LRMDA: variants seen among roughly 807,000 people sequenced by gnomAD.
LRMDA encodes the protein leucine-rich melanocyte differentiation-associated protein.
A neutral mutation model predicts 29.8 loss-of-function variants in LRMDA; 18 were observed. The ratio of observed to expected loss-of-function variants is 0.60; its 90% CI spans 0.42 to 0.90. LRMDA has a LOEUF of 0.90. Among genes scored for constraint, LRMDA ranks in the 40% least tolerant of loss-of-function variants. The pLI, the probability that LRMDA is intolerant of heterozygous loss-of-function variation, is 0.00. For synonymous variants in LRMDA, 125 were observed against 109.4 expected, an observed-to-expected ratio of 1.14 and a Z score of -0.89; for missense variants, 273 against 273.9, an observed-to-expected ratio of 1.00 and a Z score of 0.02.
At chr10:76,054,824 G>A (rs566353560) in intron 4 of LRMDA, among the ~76,000 whole-genome samples, 1 of 151,622 alleles carries the variant, frequency 6.6e-6, no homozygotes. Flanking sequence ...GTTCATGCCT[G>A]TAATTCCAGC....
At chr10:75,436,210 G>A (rs1844262424) in intron 1 of LRMDA, among the ~76,000 whole-genome samples, 1 of 152,118 alleles carries the variant, frequency 6.6e-6, no homozygotes, top group Non-Finnish European at 1.5e-5. Context: ...GCAGGGCTCT[G>A]GAGTCTTAGT....
At chr10:75,637,446 A>G (rs1841402499) in intron 2 of LRMDA, among the ~76,000 whole-genome samples, 1 of 152,214 alleles carries the variant, frequency 6.6e-6, no homozygotes, top group South Asian at 2.1e-4. Flanking sequence ...AAGCAGCAGC[A>G]GATGAGTAGA....
At chr10:76,203,585 C>A (rs971991146) in intron 5 of LRMDA, among the ~76,000 whole-genome samples, 5 of 152,242 alleles carry the variant, frequency 3.3e-5, no homozygotes, top group Non-Finnish European at 7.3e-5. Flanking sequence ...GCAGAGGACA[C>A]TTTGTAAAAC....
intron 2 of LRMDA, among the ~76,000 whole-genome samples, chr10:75,791,547 T>A (rs1843565194): frequency 6.6e-6 from 1 of 152,222 alleles, no homozygotes; most frequent in African/African-American, 2.4e-5. Flanking sequence ...GGAGAAAAAC[T>A]TTTAGGAAAG....
In LRMDA at chr10:75,464,012, G is replaced by A. The variant is rs192172717; in HGVS notation, c.131+25518G>A. Reference sequence around the variant, plus strand: ...AGATGGGGTTTCTCCATGTTGGCAAGGCTGGTCTCGAACTCTTGACCTCAG... The same window carrying A: ...AGATGGGGTTTCTCCATGTTGGCAAAGCTGGTCTCGAACTCTTGACCTCAG... On this transcript the variant is annotated intron_variant, in intron 2 of 6. Transcript: ENST00000611255. Among the ~76,000 whole-genome samples the A allele has an allele frequency of 5.9e-5, 9 of 152,194 alleles. No homozygotes were observed. In the East Asian group the frequency reaches 1.5e-3, roughly 26 times the overall value.
chr10:76,047,170 G>T lies in LRMDA; in HGVS notation c.265G>T (p.Asp89Tyr). ...GATTCTTAACCTTTGTCACATCACT[G>T]ATTTGGAGAACCTGCTGGATCACTT... is the stretch of plus-strand genomic sequence containing the variant. ...TLTLNKNRIT[D>Y]LENLLDHLAE... is the part of the protein sequence containing the mutation. Residue 89 changes from aspartate to tyrosine, a missense_variant, in exon 4 of 7, where the codon GAT becomes TAT. Physicochemically the swap from Asp to Tyr is radical, Grantham distance 160. Transcript: ENST00000611255. 6.2e-7 allele frequency: 1 copy of T among 1,614,008 alleles called. No homozygotes were observed. Among genetic ancestry groups the T allele is most frequent in the Non-Finnish European group, 8.5e-7 (1 of 1,179,964 alleles).
At chr10:75,903,302 C>G (rs1185570352) in intron 2 of LRMDA, among the ~76,000 whole-genome samples, 2 of 152,194 alleles carry the variant, frequency 1.3e-5, no homozygotes, top group African/African-American at 4.8e-5. Flanking sequence ...CTGAAGCCCT[C>G]CCTCCTGGGT....
chr10:76,305,192 G>A (rs770243072), intron 5 of LRMDA, among the ~76,000 whole-genome samples: 21 of 152,250 alleles, frequency 1.4e-4, no homozygotes, highest in African/African-American at 4.6e-4. Flanking sequence ...TTCTGTGGCC[G>A]TGTTTACCTT....
intron 5 of LRMDA, among the ~76,000 whole-genome samples, chr10:76,150,935 T>C: frequency 6.6e-6 from 1 of 152,058 alleles, no homozygotes; most frequent in South Asian, 2.1e-4. Context: ...CTGGGGTGGC[T>C]TTATTTAGCT....
intron 2 of LRMDA, among the ~76,000 whole-genome samples, chr10:75,778,784 A>G (rs561018412): frequency 1.3e-5 from 2 of 152,336 alleles, no homozygotes; most frequent in African/African-American, 2.4e-5. Flanking sequence ...ATCTAAAAGG[A>G]TGAACTAGAG....
intron 2 of LRMDA, among the ~76,000 whole-genome samples, chr10:75,662,471 A>G (rs1841766794): frequency 6.6e-6 from 1 of 152,218 alleles, no homozygotes; most frequent in Admixed American, 6.5e-5. Context: ...AAGGAATTTT[A>G]TTGAAAACAA....
chr10:76,147,985 G>A (rs1301508558), intron 5 of LRMDA, among the ~76,000 whole-genome samples: 2 of 152,210 alleles, frequency 1.3e-5, no homozygotes, highest in Non-Finnish European at 2.9e-5. Flanking sequence ...CACCAGTGGT[G>A]GCTGCAGAAC....
intron 6 of LRMDA, chr10:76,402,309 T>TG (rs1412907581): frequency 6.6e-6 from 1 of 152,142 alleles, no homozygotes; most frequent in Non-Finnish European, 1.5e-5. Context: ...AGAGGAGGCT[T>TG]GGGGCATTTA....
At chr10:76,514,131 C>T (rs1843036615) in intron 6 of LRMDA, among the ~76,000 whole-genome samples, 1 of 152,148 alleles carries the variant, frequency 6.6e-6, no homozygotes, top group African/African-American at 2.4e-5. Flanking sequence ...ACCCCAATCC[C>T]ATACTCTCGT....
intron 5 of LRMDA, among the ~76,000 whole-genome samples, chr10:76,071,900 T>C (rs1848881679): frequency 6.6e-6 from 1 of 152,230 alleles, no homozygotes; most frequent in East Asian, 1.9e-4. Flanking sequence ...ATGTGTACTT[T>C]GGAGGCCCAT....
intron 6 of LRMDA, among the ~76,000 whole-genome samples, chr10:76,459,947 G>A (rs962103549): frequency 6.6e-6 from 1 of 152,146 alleles, no homozygotes; most frequent in Non-Finnish European, 1.5e-5. Flanking sequence ...TGGGTGATGA[G>A]CCCTGAATGG....
At position 75,974,310 on chromosome 10, in the gene LRMDA, A is replaced by G. The variant is rs1200410765; in HGVS notation, c.132-61698A>G. Reference sequence around the variant, plus strand: ...CCAAAGCATTCAGGGGATGAGCTACACAGCAAAGTGGGATGCTCAACATTG... The same window carrying G: ...CCAAAGCATTCAGGGGATGAGCTACGCAGCAAAGTGGGATGCTCAACATTG... On this transcript the variant is annotated intron_variant, in intron 2 of 6. Transcript: ENST00000611255. Among the ~76,000 whole-genome samples the G allele has an allele frequency of 2.0e-5, 3 of 152,296 alleles. No individual in the cohort carries two copies. The East Asian group carries it at 5.8e-4, about 29-fold the overall frequency.
At chr10:75,876,939 G>A (rs1453524535) in intron 2 of LRMDA, among the ~76,000 whole-genome samples, 1 of 152,114 alleles carries the variant, frequency 6.6e-6, no homozygotes, top group Non-Finnish European at 1.5e-5. Flanking sequence ...GGGGCGGAGT[G>A]TGAAAATTTG....
chr10:76,080,188 A>G (rs746278753), intron 5 of LRMDA, among the ~76,000 whole-genome samples: 2 of 152,080 alleles, frequency 1.3e-5, no homozygotes, highest in Non-Finnish European at 2.9e-5. Context: ...TCGGTGCCCA[A>G]CTCAGATTCT....
Sources: allele counts gnomAD v4.1 joint callset (sites outside exome capture counted in the v4.1 genomes callset), GRCh38; gene constraint gnomAD v4.1.1; transcripts MANE v1.5; gene names NCBI Gene and HGNC (gene_info 2026-07-23, HGNC 2026-07-21).